Variants in ANKRD11 observed in about 807,000 individuals in gnomAD.
ANKRD11 encodes ankyrin repeat domain 11.
Under a neutral mutation model 195.7 loss-of-function variants are expected in ANKRD11, and 17 were observed. The ratio of observed to expected loss-of-function variants is 0.09; its 90% CI spans 0.06 to 0.13. The LOEUF is 0.13. Among genes scored for constraint, ANKRD11 ranks in the 10% least tolerant of loss-of-function variants. The pLI, the probability that ANKRD11 is intolerant of heterozygous loss-of-function variation, is 1.00. For synonymous variants in ANKRD11, 1,953 were observed against 1,528.1 expected (o/e 1.28, Z -6.49); for missense variants, 3,735 against 3,566.1 (o/e 1.05, Z -1.21).
intron 6 of ANKRD11, among the ~76,000 whole-genome samples, chr16:89,289,902 T>C (rs2034911358): frequency 6.6e-6 from 1 of 152,174 alleles, no homozygotes; most frequent in Admixed American, 6.5e-5. Flanking sequence ...TAGCCAGGCA[T>C]GGTGGCGTGC....
At chr16:89,446,480 T>C (rs1400450695) in intron 1 of ANKRD11, among the ~76,000 whole-genome samples, 1 of 152,140 alleles carries the variant, frequency 6.6e-6, no homozygotes, top group Non-Finnish European at 1.5e-5. Flanking sequence ...GGCAAGCATC[T>C]GTACTCCCAG....
At position 89,274,904 on chromosome 16, in the gene ANKRD11, C is replaced by T. The variant is rs190789698; in HGVS notation, c.7623G>A (p.Ala2541=). ...CTGCCTGGTTGGCGATGGTCCTGGC[C>T]GCCCGGCAGTGAACCCGCAGAATCT... ...EQEILRVHCR[A]ARTIANQAVP... is the part of the protein sequence containing the mutation. Residue 2541 remains alanine, a synonymous_variant, in exon 11 of 13, where the codon GCG becomes GCA. Transcript: ENST00000301030. 166 of 1,613,580 alleles carry T rather than the reference C, an allele frequency of 1.0e-4. 2 individuals carry two copies. The Admixed American group carries it at 2.6e-3, about 26-fold the overall frequency.
rs542845664 is a variant in ANKRD11, at chr16:89,343,075, C to T, written c.-59-25997G>A. Among the ~76,000 whole-genome samples the T allele has an allele frequency of 7.0e-4, 106 of 152,310 alleles. 1 individual carries two copies. The highest frequency in any genetic ancestry group is 2.5e-3 in the African/African-American group (102 of 41,564). On this transcript the variant is annotated intron_variant, in intron 2 of 12. Coordinates refer to ENST00000301030, the MANE Select transcript of ANKRD11 (RefSeq NM_013275.6). ...TGCTGTTGTCACCCAGGCTGGAGTGCAGTGGTGCGATCTCGGCTCACTGCA... is the reference window on the plus strand; with the variant it reads ...TGCTGTTGTCACCCAGGCTGGAGTGTAGTGGTGCGATCTCGGCTCACTGCA...
chr16:89,334,554 A>G (rs1231654748), intron 2 of ANKRD11, among the ~76,000 whole-genome samples: 2 of 152,090 alleles, frequency 1.3e-5, no homozygotes, highest in South Asian at 2.1e-4. Context: ...GGCAGTGGGC[A>G]TGCGGCATGC....
chr16:89,409,545 G>A (rs970745074), intron 2 of ANKRD11, among the ~76,000 whole-genome samples: 2 of 152,172 alleles, frequency 1.3e-5, no homozygotes, highest in African/African-American at 2.4e-5. Flanking sequence ...TGGGTGCTGC[G>A]ACTCACGCCT....
rs757316532 is a variant in ANKRD11, at chr16:89,279,123, C to T, written c.7419G>A (p.Thr2473=). The change falls in exon 9 of 13, where the codon ACG becomes ACA. Residue 2473 remains threonine, a synonymous_variant. Transcript: ENST00000301030. The surrounding 1 kb of genome is among the most constrained non-coding windows in gnomAD (Gnocchi z 5.6). ...PQCYAEYVTY[T]GSYLLDGKPL... is the part of the protein sequence containing the mutation. ...GCTTGCCGTCCAGGAGGTAGGAGCC[C>T]GTGTAGGTGACGTACTCGGCGTAGC... 36 of 1,613,972 alleles carry T rather than the reference C, an allele frequency of 2.2e-5. No homozygotes were observed. The highest frequency in any genetic ancestry group is 3.1e-5 in the Non-Finnish European group (36 of 1,179,998).
At chr16:89,414,496 C>T (rs748805452) in intron 2 of ANKRD11, among the ~76,000 whole-genome samples, 1 of 152,230 alleles carries the variant, frequency 6.6e-6, no homozygotes. Flanking sequence ...TACTTTTATA[C>T]TGGAGAAACA....
intron 2 of ANKRD11, among the ~76,000 whole-genome samples, chr16:89,369,252 C>T (rs934372516): frequency 6.6e-6 from 1 of 152,380 alleles, no homozygotes; most frequent in Non-Finnish European, 1.5e-5. Context: ...CAGCGACCTA[C>T]ACCTAGGTAC....
chr16:89,437,747 C>T (rs2043276580), intron 1 of ANKRD11, among the ~76,000 whole-genome samples: 1 of 152,140 alleles, frequency 6.6e-6, no homozygotes, highest in South Asian at 2.1e-4. Flanking sequence ...GCCTCTGCAC[C>T]TCCCATGCAT....
chr16:89,450,222 A>G (rs2044007970), intron 1 of ANKRD11, among the ~76,000 whole-genome samples: 1 of 152,192 alleles, frequency 6.6e-6, no homozygotes, highest in Non-Finnish European at 1.5e-5. Flanking sequence ...GCTGGCTCAG[A>G]CCGGGGAGCC....
intron 1 of ANKRD11, among the ~76,000 whole-genome samples, chr16:89,445,528 G>C (rs977752813): frequency 6.6e-6 from 1 of 152,098 alleles, no homozygotes; most frequent in Non-Finnish European, 1.5e-5. Context: ...AGGATGATCC[G>C]TCCTCCAAAT....
chr16:89,363,620 C>T (rs1473177876), intron 2 of ANKRD11, among the ~76,000 whole-genome samples: 1 of 152,102 alleles, frequency 6.6e-6, no homozygotes, highest in Non-Finnish European at 1.5e-5. Flanking sequence ...AATTCAAACG[C>T]ACTCTGTGTG....
At chr16:89,457,069 C>G (rs2056471625) in intron 1 of ANKRD11, among the ~76,000 whole-genome samples, 1 of 149,280 alleles carries the variant, frequency 6.7e-6, no homozygotes, top group Non-Finnish European at 1.5e-5. Flanking sequence ...ACGCCATTCT[C>G]CTGCCTCAGC....
At chr16:89,397,820 G>T (rs2041511986) in intron 2 of ANKRD11, among the ~76,000 whole-genome samples, 1 of 152,206 alleles carries the variant, frequency 6.6e-6, no homozygotes, top group Non-Finnish European at 1.5e-5. Flanking sequence ...CCAGGGACAA[G>T]CGGCCCGTGC....
At chr16:89,412,363 G>A (rs1383533855) in intron 2 of ANKRD11, 1 of 149,450 alleles carries the variant, frequency 6.7e-6, no homozygotes, top group Non-Finnish European at 1.5e-5. Context: ...ATGCCTCCCA[G>A]AGTCTCCTGG....
chr16:89,373,914 C>T (rs1192233855), intron 2 of ANKRD11, among the ~76,000 whole-genome samples: 1 of 152,344 alleles, frequency 6.6e-6, no homozygotes, highest in East Asian at 1.9e-4. Flanking sequence ...AGGCGGTCCA[C>T]ACGGGACAGG....
At chr16:89,302,335 C>T (rs905907106) in intron 4 of ANKRD11, among the ~76,000 whole-genome samples, 1 of 152,202 alleles carries the variant, frequency 6.6e-6, no homozygotes, top group Non-Finnish European at 1.5e-5. Context: ...TCACTGCAAC[C>T]TCCACCTATT....
chr16:89,288,403 G>C lies in ANKRD11; in HGVS notation c.744+125C>G, dbSNP rs1235370362. 3.4e-6 allele frequency: 5 copies of C among 1,462,686 alleles called. No homozygotes were observed. The African/African-American group carries it at 7.0e-5, about 20-fold the overall frequency. 90.6% of individuals were successfully genotyped at this position (1,462,686 alleles called of 1,614,324 possible). A position where few individuals can be genotyped will look rare whatever the true frequency, so the allele number is the denominator to read the frequency against. ...GGGCACAGCTCGGCCTTGAGGGTGG[G>C]CAAGGCGAAAACTCGCTTTCCTGTG... On this transcript the variant is annotated intron_variant, in intron 7 of 12. Coordinates refer to ENST00000301030, the MANE Select transcript of ANKRD11 (RefSeq NM_013275.6).
chr16:89,434,099 AAAC>A (rs1208820616), intron 1 of ANKRD11, among the ~76,000 whole-genome samples: 3 of 152,054 alleles, frequency 2.0e-5, no homozygotes, highest in Admixed American at 6.6e-5. Context: ...CACTAGAAAT[AAAC>A]AACAGGCCCC....
Sources: gnomAD v4.1 joint callset for allele counts (sites outside exome capture counted in the v4.1 genomes callset) on GRCh38, gnomAD v4.1.1 for gene constraint, Gnocchi (gnomAD v3.1) non-coding constraint, MANE v1.5 for transcripts, NCBI Gene and HGNC (gene_info 2026-07-23, HGNC 2026-07-21) for gene names.